TNR: variants seen among roughly 807,000 people sequenced by gnomAD.
The protein encoded by TNR is tenascin R, also known as tenascin-R.
In TNR, 45 loss-of-function variants were observed where a neutral mutation model predicts 150.4. That is an observed-to-expected ratio of 0.30 (90% CI 0.24 to 0.38). The LOEUF is 0.38. TNR is among the 10% of genes least tolerant of loss of function. TNR has a pLI of 1.00. For synonymous variants in TNR, 687 were observed against 678.4 expected (o/e 1.01, Z -0.20); for missense variants, 1,544 against 1,759.1 (o/e 0.88, Z 2.19).
At chr1:175,648,116 T>A (rs1218254220) in intron 1 of TNR, among the ~76,000 whole-genome samples, 1 of 152,114 alleles carries the variant, frequency 6.6e-6, no homozygotes, top group Non-Finnish European at 1.5e-5. Context: ...TACCTCTGGC[T>A]TGGGATCCCC....
intron 2 of TNR, among the ~76,000 whole-genome samples, chr1:175,494,996 T>G (rs1253980195): frequency 6.6e-6 from 1 of 152,182 alleles, no homozygotes; most frequent in East Asian, 1.9e-4. Flanking sequence ...ACAGGAGACC[T>G]CTATTAGCTC....
At chr1:175,452,457 G>A (rs1032130583) in intron 2 of TNR, among the ~76,000 whole-genome samples, 2 of 152,242 alleles carry the variant, frequency 1.3e-5, no homozygotes, top group Non-Finnish European at 1.5e-5. Context: ...GACGGCTGTC[G>A]GAGGAGGAGG....
intron 18 of TNR, among the ~76,000 whole-genome samples, chr1:175,343,938 G>A (rs1038381734): frequency 2.0e-5 from 3 of 152,130 alleles, no homozygotes; most frequent in Non-Finnish European, 4.4e-5. Context: ...CCAGGTTTTT[G>A]GCGTTTTTGA....
intron 1 of TNR, among the ~76,000 whole-genome samples, chr1:175,639,127 T>G (rs1023714039): frequency 6.6e-6 from 1 of 152,166 alleles, no homozygotes; most frequent in African/African-American, 2.4e-5. Context: ...TTTCACTGCC[T>G]CATTATAGTC....
intron 2 of TNR, among the ~76,000 whole-genome samples, chr1:175,407,932 CTG>C (rs1654032010): frequency 1.3e-5 from 2 of 152,188 alleles, no homozygotes; most frequent in African/African-American, 2.4e-5. Flanking sequence ...TTGATGGAAA[CTG>C]TGTAATTTCT....
Position 175,594,636 on chromosome 1 carries a change from C to T in TNR, c.-164-66267G>A, listed in dbSNP as rs577655124. On this transcript the variant is annotated intron_variant, in intron 1 of 22. Transcript: ENST00000367674. ...TTGGGAGACTGAAGCGGGCCAATGTCTTGAGCCCAGGAGTTTGAGACCAGC... is the reference window on the plus strand; with the variant it reads ...TTGGGAGACTGAAGCGGGCCAATGTTTTGAGCCCAGGAGTTTGAGACCAGC... Among the ~76,000 whole-genome samples, 32 of 152,220 alleles carry T rather than the reference C, an allele frequency of 2.1e-4. 1 individual carries two copies. The highest frequency in any genetic ancestry group is 7.7e-4 in the African/African-American group (32 of 41,520).
intron 2 of TNR, among the ~76,000 whole-genome samples, chr1:175,518,973 T>A (rs1252186718): frequency 6.6e-6 from 1 of 152,232 alleles, no homozygotes; most frequent in Non-Finnish European, 1.5e-5. Flanking sequence ...ACACTGGACA[T>A]GTAGTCCAAC....
At chr1:175,726,268 C>A (rs1320407734) in intron 1 of TNR, among the ~76,000 whole-genome samples, 1 of 152,094 alleles carries the variant, frequency 6.6e-6, no homozygotes. Context: ...AGGCATCTAC[C>A]CTATGTTACA....
intron 18 of TNR, among the ~76,000 whole-genome samples, chr1:175,353,863 T>TTTTTTTTA (rs1651190907): frequency 6.6e-6 from 1 of 151,742 alleles, no homozygotes; most frequent in Non-Finnish European, 1.5e-5. Flanking sequence ...TTTTTTTTTT[T>TTTTTTTTA]GAGACGGAGT....
chr1:175,478,628 T>C (rs1657650566), intron 2 of TNR, among the ~76,000 whole-genome samples: 1 of 151,540 alleles, frequency 6.6e-6, no homozygotes, highest in Non-Finnish European at 1.5e-5. Context: ...AAAAATCCAC[T>C]AGCTGCACTT....
intron 1 of TNR, among the ~76,000 whole-genome samples, chr1:175,606,709 C>G (rs1037843336): frequency 3.9e-5 from 6 of 152,128 alleles, no homozygotes; most frequent in Admixed American, 2.0e-4. Context: ...CTTCTGTGAG[C>G]CTTTGCCTCT....
At position 175,455,278 on chromosome 1, in the gene TNR, A is replaced by G. The variant is rs192284148; in HGVS notation, c.-63-48501T>C. On this transcript the variant is annotated intron_variant, in intron 2 of 22. Coordinates refer to ENST00000367674, the MANE Select transcript of TNR (RefSeq NM_003285.3). ...CCTCACCCATGGAATCTGTGGGCATAATAGAATGGCTGTTATTTTATACCA... is the reference window on the plus strand; with the variant it reads ...CCTCACCCATGGAATCTGTGGGCATGATAGAATGGCTGTTATTTTATACCA... 1.3e-4 allele frequency among the ~76,000 whole-genome samples: 20 copies of G among 150,710 alleles called. No individual in the cohort carries two copies. The East Asian group carries it at 3.7e-3, about 28-fold the overall frequency.
In TNR at chr1:175,396,683, G is replaced by C; in HGVS notation, c.1101C>G (p.Leu367=). The change falls in exon 5 of 23, where the codon CTC becomes CTG. Residue 367 remains leucine, a synonymous_variant. Coordinates refer to ENST00000367674, the MANE Select transcript of TNR (RefSeq NM_003285.3). ...CTCCAGGCACCCGCTGCTGGAGCTGGAGGCCCCCCAGGGCCGTCGGCTGGT... is the reference window on the plus strand; with the variant it reads ...CTCCAGGCACCCGCTGCTGGAGCTGCAGGCCCCCCAGGGCCGTCGGCTGGT... ...ISYQPTALGG[L]QLQQRVPGDW... 1 of 1,614,226 alleles carries C rather than the reference G, an allele frequency of 6.2e-7. No homozygotes were observed. The highest frequency in any genetic ancestry group is 8.5e-7 in the Non-Finnish European group (1 of 1,180,044).
intron 1 of TNR, among the ~76,000 whole-genome samples, chr1:175,733,056 C>G (rs181403020): frequency 6.6e-6 from 1 of 152,338 alleles, no homozygotes; most frequent in East Asian, 1.9e-4. Context: ...AGGCCTTGGT[C>G]AGGCCAGTTG....
At chr1:175,558,597 G>A (rs904552520) in intron 1 of TNR, among the ~76,000 whole-genome samples, 3 of 152,158 alleles carry the variant, frequency 2.0e-5, no homozygotes, top group African/African-American at 4.8e-5. Flanking sequence ...TCCTCCTTAT[G>A]TTAAACCAAA....
rs542925271 is a variant in TNR, at chr1:175,438,840, G to A, written c.-63-32063C>T. Among the ~76,000 whole-genome samples, 131 of 152,212 alleles carry A rather than the reference G, an allele frequency of 8.6e-4. 1 individual carries two copies. The highest frequency in any genetic ancestry group is 1.3e-3 in the Non-Finnish European group (91 of 68,026). On this transcript the variant is annotated intron_variant, in intron 2 of 22. Coordinates refer to ENST00000367674, the MANE Select transcript of TNR (RefSeq NM_003285.3). Reference sequence around the variant, plus strand: ...AAGGGATGTGAAGGACTTCTTCAAGGAGAACTACAAACCACTGCTCAATGA... The same window carrying A: ...AAGGGATGTGAAGGACTTCTTCAAGAAGAACTACAAACCACTGCTCAATGA...
At position 175,319,223 on chromosome 1, in the gene TNR, G is replaced by A. The variant is rs1268541993; in HGVS notation, c.*4134C>T. Reference sequence around the variant, plus strand: ...AAGAAAAAATGTTTTCATGTCCCTAGGGTATTTGCAAATCCAGGTCACCAG... The same window carrying A: ...AAGAAAAAATGTTTTCATGTCCCTAAGGTATTTGCAAATCCAGGTCACCAG... On this transcript the variant is annotated 3_prime_UTR_variant, in exon 23 of 23. Transcript: ENST00000367674. 6.6e-6 allele frequency: 1 copy of A among 152,180 alleles called. No homozygotes were observed. Among genetic ancestry groups the A allele is most frequent in the East Asian group, 1.9e-4 (1 of 5,204 alleles). 9.4% of individuals were successfully genotyped at this position (152,180 alleles called of 1,614,324 possible).
chr1:175,531,591 C>T (rs911351792), intron 1 of TNR, among the ~76,000 whole-genome samples: 2 of 152,140 alleles, frequency 1.3e-5, no homozygotes, highest in African/African-American at 4.8e-5. Flanking sequence ...AAGAGACATA[C>T]ACAAAAGTAA....
chr1:175,511,951 A>G (rs1659195228), intron 2 of TNR, among the ~76,000 whole-genome samples: 1 of 152,260 alleles, frequency 6.6e-6, no homozygotes, highest in Non-Finnish European at 1.5e-5. Flanking sequence ...GCTAAAGTCA[A>G]CAACACATAT....
Sources: allele counts gnomAD v4.1 joint callset (sites outside exome capture counted in the v4.1 genomes callset), GRCh38; gene constraint gnomAD v4.1.1; transcripts MANE v1.5; gene names NCBI Gene and HGNC (gene_info 2026-07-23, HGNC 2026-07-21).